The following XXYLT1 variants were observed in gnomAD, a reference collection of about 807,000 sequenced individuals.
XXYLT1 encodes the protein UDP-xylose:alpha-xyloside alpha-1,3-xylosyltransferase.
Under a neutral mutation model 28.9 loss-of-function variants are expected in XXYLT1, and 20 were observed. The ratio of observed to expected loss-of-function variants is 0.69; its 90% CI spans 0.49 to 1.00. XXYLT1 has a LOEUF of 1.00. Among genes scored for constraint, XXYLT1 ranks in the 50% least tolerant of loss-of-function variants. The pLI is 0.00. For synonymous variants in XXYLT1, 257 were observed against 253.8 expected (o/e 1.01, Z -0.12); for missense variants, 542 against 560.1 (o/e 0.97, Z 0.33).
chr3:195,214,853 G>GC (rs1167308874), intron 2 of XXYLT1: 1 of 152,136 alleles, frequency 6.6e-6, no homozygotes, highest in Non-Finnish European at 1.5e-5. Context: ...TGGCCCCTGC[G>GC]CAAGGATGAC....
chr3:195,083,888 C>T (rs148752043), intron 3 of XXYLT1, among the ~76,000 whole-genome samples: 332 of 152,070 alleles, frequency 2.2e-3, no homozygotes, highest in African/African-American at 7.0e-3. Flanking sequence ...CATCCAGGCG[C>T]GGTGGCAGGC....
rs114385866 is a variant in XXYLT1 at position 195,210,719 on chromosome 3, C to G, written c.652+15990G>C. 8.1e-4 allele frequency among the ~76,000 whole-genome samples: 124 copies of G among 152,278 alleles called. No homozygotes were observed. The highest frequency in any genetic ancestry group is 1.4e-3 in the Non-Finnish European group (96 of 68,022). On this transcript the variant is annotated intron_variant, in intron 2 of 3. Coordinates refer to ENST00000310380, the MANE Select transcript of XXYLT1 (RefSeq NM_152531.5). This position sits in a 1 kb window ranked among gnomAD's most constrained non-coding sequence, Gnocchi z 4.8. ...GCTGTCCCTCTTCAGAATAAGAGAA[C>G]CGAAATGCCTCAAATTTGCTCCATA...
chr3:195,170,592 A>T (rs1415435346), intron 2 of XXYLT1, among the ~76,000 whole-genome samples: 2 of 152,226 alleles, frequency 1.3e-5, no homozygotes, highest in Admixed American at 6.5e-5. Context: ...TCATTCATCT[A>T]GCTGTATTTA....
Position 195,173,348 on chromosome 3 carries a change from A to C in XXYLT1, c.653-16767T>G, listed in dbSNP as rs1721504036. Among the ~76,000 whole-genome samples, 1 of 152,134 alleles carries C rather than the reference A, an allele frequency of 6.6e-6. No homozygotes were observed. Among genetic ancestry groups the C allele is most frequent in the South Asian group, 2.1e-4 (1 of 4,826 alleles). On this transcript the variant is annotated intron_variant, in intron 2 of 3. Transcript: ENST00000310380. The surrounding 1 kb of genome is among the most constrained non-coding windows in gnomAD (Gnocchi z 4.3). The stretch of plus-strand genomic sequence containing the variant: ...GGAAAGACGCAGCGTCTCCTCCCCC[A>C]GCATCTGCCTGGCCATTATGGCCTG...
chr3:195,112,828 C>T (rs7616877), intron 3 of XXYLT1, among the ~76,000 whole-genome samples: 128,015 of 147,886 alleles, frequency 0.87, 55,325 homozygotes, highest in Admixed American at 0.9. Context: ...GCTGAAGCAG[C>T]GCACACACGC....
At chr3:195,158,286 C>A (rs1302029565) in intron 2 of XXYLT1, among the ~76,000 whole-genome samples, 1 of 152,192 alleles carries the variant, frequency 6.6e-6, no homozygotes, top group Non-Finnish European at 1.5e-5. Flanking sequence ...TGTCTGCCTG[C>A]CTGTGGTCAT....
intron 1 of XXYLT1, among the ~76,000 whole-genome samples, chr3:195,244,460 T>C (rs1334955944): frequency 6.6e-6 from 1 of 152,058 alleles, no homozygotes; most frequent in Non-Finnish European, 1.5e-5. Context: ...CACAGGAATC[T>C]TCATTTAAAA....
intron 3 of XXYLT1, among the ~76,000 whole-genome samples, chr3:195,107,611 GGAGGAGGAGGGGGAGGAGGAGGGGGAGGA>G (rs1717210448): frequency 4.4e-5 from 1 of 22,650 alleles, no homozygotes; most frequent in African/African-American, 2.2e-4. Context: ...AGGAGGAAGG[GGAGGAGGAGGGGGAGGAGGAGGGGGAGGA>G]GGAGGAGGAG....
chr3:195,163,172 A>G (rs1006081060), intron 2 of XXYLT1, among the ~76,000 whole-genome samples: 1 of 152,194 alleles, frequency 6.6e-6, no homozygotes, highest in Admixed American at 6.5e-5. Context: ...TAGAATTATC[A>G]GGTGTTTTCT....
intron 1 of XXYLT1, among the ~76,000 whole-genome samples, chr3:195,245,307 C>T (rs1724975801): frequency 6.6e-6 from 1 of 151,396 alleles, no homozygotes. Flanking sequence ...ATTACAGGCA[C>T]GCACCACCAC....
intron 1 of XXYLT1, among the ~76,000 whole-genome samples, chr3:195,249,848 C>T (rs1351733355): frequency 6.6e-6 from 1 of 152,174 alleles, no homozygotes; most frequent in Non-Finnish European, 1.5e-5. Context: ...GAGAAAACCT[C>T]AACATCCCAA....
intron 1 of XXYLT1, among the ~76,000 whole-genome samples, chr3:195,242,709 C>T (rs190394957): frequency 3.3e-5 from 5 of 152,282 alleles, no homozygotes; most frequent in Admixed American, 3.3e-4. Flanking sequence ...GTTATTTACA[C>T]AGCCCGCAGA....
chr3:195,175,500 T>G, intron 2 of XXYLT1: 10 of 1,264,974 alleles, frequency 7.9e-6, no homozygotes, highest in African/African-American at 1.4e-5. Flanking sequence ...AGTTCTGTGT[T>G]GCATGTTGAC....
At chr3:195,134,868 T>TGTGCGC (rs996449867) in intron 3 of XXYLT1, among the ~76,000 whole-genome samples, 82 of 100,190 alleles carry the variant, frequency 8.2e-4, no homozygotes, top group African/African-American at 3.0e-3. Flanking sequence ...TGTGTGTGTG[T>TGTGCGC]GCGTGTGCGC....
intron 3 of XXYLT1, among the ~76,000 whole-genome samples, chr3:195,151,015 A>G (rs1720209346): frequency 6.6e-6 from 1 of 151,778 alleles, no homozygotes; most frequent in African/African-American, 2.4e-5. Flanking sequence ...TCCTAACTCT[A>G]CAGAGTGGTG....
intron 1 of XXYLT1, among the ~76,000 whole-genome samples, chr3:195,236,884 G>A (rs928793280): frequency 4.6e-5 from 7 of 152,246 alleles, no homozygotes; most frequent in Middle Eastern, 3.4e-3. Flanking sequence ...GTCTAGAAAT[G>A]TCATCTAAGA....
At chr3:195,213,342 G>C (rs950216489) in intron 2 of XXYLT1, among the ~76,000 whole-genome samples, 1 of 147,928 alleles carries the variant, frequency 6.8e-6, no homozygotes, top group East Asian at 2.0e-4. Flanking sequence ...TTGGCTCACC[G>C]CAACCTCCAC....
At chr3:195,107,970 G>C (rs1717245804) in intron 3 of XXYLT1, among the ~76,000 whole-genome samples, 1 of 152,168 alleles carries the variant, frequency 6.6e-6, no homozygotes, top group South Asian at 2.1e-4. Context: ...CATTTTATCT[G>C]GCCAACACAA....
intron 2 of XXYLT1, among the ~76,000 whole-genome samples, chr3:195,217,851 G>A (rs1388861640): frequency 5.0e-4 from 71 of 142,794 alleles, no homozygotes; most frequent in Middle Eastern, 3.5e-3. Flanking sequence ...AGCCCGCATC[G>A]CCAAGTCAAT....
Sources: allele counts gnomAD v4.1 joint callset (sites outside exome capture counted in the v4.1 genomes callset), GRCh38; gene constraint gnomAD v4.1.1; non-coding constraint Gnocchi (gnomAD v3.1); transcripts MANE v1.5; gene names NCBI Gene and HGNC (gene_info 2026-07-23, HGNC 2026-07-21).